Variants in ULK2 observed in about 807,000 individuals in gnomAD.
ULK2 encodes the protein unc-51 like autophagy activating kinase 2, also known as serine/threonine-protein kinase ULK2.
A neutral mutation model predicts 127.5 loss-of-function variants in ULK2; 76 were observed. The observed-to-expected ratio is 0.60, with a 90% confidence interval of 0.50 to 0.72. The LOEUF (loss-of-function observed/expected upper bound fraction) is 0.72, where lower values mean the gene tolerates loss of function less well. Ranked by LOEUF, ULK2 falls within the 30% of genes least tolerant of loss-of-function variation. ULK2 has a pLI of 0.00. For synonymous variants in ULK2, 452 were observed against 461.9 expected (o/e 0.98, Z 0.28); for missense variants, 1,144 against 1,295.9 (o/e 0.88, Z 1.80).
intron 5 of ULK2, 129 bp from the exon 6 acceptor site, chr17:19,847,039 ATTTT>A (rs1287225080): frequency 1.2e-6 from 1 of 855,692 alleles, no homozygotes; most frequent in African/African-American, 1.8e-5. Flanking sequence ...ACATTTATTT[ATTTT>A]TTTAACTTTA....
intron 8 of ULK2, 124 bp downstream of exon 8, chr17:19,842,997 A>C (rs2041800911): frequency 1.2e-6 from 1 of 828,682 alleles, no homozygotes; most frequent in African/African-American, 1.7e-5. Flanking sequence ...CTATAACAGA[A>C]TCAAAGTAAC....
chr17:19,864,675 T>C, intron 3 of ULK2, 128 bp downstream of exon 3: 3 of 338,450 alleles, frequency 8.9e-6, no homozygotes, highest in East Asian at 4.6e-5. Flanking sequence ...TTCAGAAACA[T>C]GTAACTCAAG....
chr17:19,840,102 G>T (rs1263702257), intron 9 of ULK2: 3 of 362,016 alleles, frequency 8.3e-6, no homozygotes, highest in Non-Finnish European at 1.6e-5. Flanking sequence ...AGTGGCAGGT[G>T]CAGTTGAGCT....
In ULK2 at chr17:19,777,495, T is replaced by C. The variant is rs534578670; in HGVS notation, c.3052+86A>G. 11 of 1,420,638 alleles carry C rather than the reference T, an allele frequency of 7.7e-6. No homozygotes were observed. In the South Asian group the frequency reaches 1.7e-4, roughly 22 times the overall value. The allele number at this position is 1,420,638 out of a possible 1,614,324, so 88.0% of individuals were successfully genotyped here. ...AGCCACGATTCAAACCAAGGCAGAA[T>C]TCCAAACTCCAAGCTCTTTGTACTA... On this transcript the variant is annotated intron_variant, in intron 26 of 26. Coordinates refer to ENST00000395544, the MANE Select transcript of ULK2 (RefSeq NM_014683.4).
In ULK2 at chr17:19,774,948, T is replaced by C. The variant is rs1260703269; in HGVS notation, c.*1401A>G. The C allele has an allele frequency of 1.3e-5, 2 of 152,630 alleles. No homozygotes were observed. Among genetic ancestry groups the C allele is most frequent in the Non-Finnish European group, 2.9e-5 (2 of 68,038 alleles). 9.5% of individuals were successfully genotyped at this position (152,630 alleles called of 1,614,324 possible). On this transcript the variant is annotated 3_prime_UTR_variant, in exon 27 of 27. Transcript: ENST00000395544. ...GTTCAAATTAACTACTGGAATTTCA[T>C]ACAGATAAATAAGGTAAAAATTACA...
At position 19,804,791 on chromosome 17, in the gene ULK2, T is replaced by C. The variant is rs1421411443; in HGVS notation, c.1197A>G (p.Ala399=). 1.9e-6 allele frequency: 3 copies of C among 1,612,964 alleles called. No individual in the cohort carries two copies. The South Asian group carries it at 3.3e-5, about 18-fold the overall frequency. The part of the protein sequence containing the change: ...QPTVSPHSET[A]PIPVPTQIRN... ...TTATTTGAGTAGGAACTGGAATTGG[T>C]GCTGTTTCGCTGTGAGGTGACACAG... The change falls in exon 15 of 27, where the codon GCA becomes GCG. Residue 399 remains alanine (A), a synonymous_variant. Coordinates refer to ENST00000395544, the MANE Select transcript of ULK2 (RefSeq NM_014683.4).
intron 21 of ULK2, among the ~76,000 whole-genome samples, chr17:19,785,235 CAG>C (rs569925686): frequency 4.6e-4 from 70 of 152,104 alleles, no homozygotes; most frequent in African/African-American, 1.5e-3. Flanking sequence ...TTTTCTGAAA[CAG>C]AGTTTCGCTC....
At chr17:19,835,174 T>C (rs1274716654) in intron 10 of ULK2, among the ~76,000 whole-genome samples, 1 of 150,250 alleles carries the variant, frequency 6.7e-6, no homozygotes, top group East Asian at 2.0e-4. Context: ...GGAGATGGAG[T>C]CTCGCTCTGT....
intron 1 of ULK2, 137 bp downstream of exon 1, chr17:19,867,191 G>T: frequency 1.6e-6 from 1 of 631,830 alleles, no homozygotes; most frequent in Non-Finnish European, 2.5e-6. Flanking sequence ...CAAACGGCGA[G>T]ACGGGCTGCG....
chr17:19,821,818 T>A lies in ULK2; in HGVS notation c.924+3276A>T, dbSNP rs146745882. On this transcript the variant is annotated intron_variant, in intron 12 of 26. Transcript: ENST00000395544. ...GCAGTGGAGCAATCATAGCTCACTG[T>A]AACCTCGAAGTCAGGGGCTCAAGCA... Among the ~76,000 whole-genome samples, 512 of 152,240 alleles carry A rather than the reference T, an allele frequency of 3.4e-3. 4 individuals carry two copies. Among genetic ancestry groups the A allele is most frequent in the South Asian group, 0.014 (68 of 4,830 alleles).
chr17:19,783,703 C>A lies in ULK2; in HGVS notation c.2454G>T (p.Leu818=). 6.5e-7 allele frequency: 1 copy of A among 1,527,622 alleles called. No homozygotes were observed. 94.6% of individuals were successfully genotyped at this position (1,527,622 alleles called of 1,614,324 possible). A position where few individuals can be genotyped will look rare whatever the true frequency, so the allele number is the denominator to read the frequency against. The stretch of plus-strand genomic sequence containing the variant: ...ACTATAGTCTCTTTTCTACCTCCAT[C>A]AGCGTCTCCTCCGGCAGTTCAGGGG... ...FEAPELPEET[L]MEREHTDTLR... is the part of the protein sequence containing the mutation. The change falls in exon 22 of 27, where the codon CTG becomes CTT. Residue 818 remains leucine, a synonymous_variant. Coordinates refer to ENST00000395544, the MANE Select transcript of ULK2 (RefSeq NM_014683.4).
chr17:19,847,124 C>T (rs281349), intron 5 of ULK2, among the ~76,000 whole-genome samples: 16,002 of 152,126 alleles, frequency 0.11, 1,557 homozygotes, highest in East Asian at 0.39. Context: ...AGAGAACTGA[C>T]TGGCACTTTC....
intron 7 of ULK2, among the ~76,000 whole-genome samples, chr17:19,843,660 C>CTTT (rs1186486092): frequency 5.2e-5 from 7 of 135,276 alleles, no homozygotes; most frequent in African/African-American, 1.6e-4. Context: ...AATATTTTTT[C>CTTT]TTTTTTTTTT....
At chr17:19,860,850 A>G (rs2042226587) in intron 3 of ULK2, 1 of 152,008 alleles carries the variant, frequency 6.6e-6, no homozygotes, top group Non-Finnish European at 1.5e-5. Context: ...TGTTTTTATA[A>G]ATTAGTTAAA....
chr17:19,794,280 G>C (rs1053578556), intron 20 of ULK2, among the ~76,000 whole-genome samples: 6 of 152,148 alleles, frequency 3.9e-5, no homozygotes, highest in African/African-American at 1.4e-4. Context: ...AGACTTTTAA[G>C]AACAATGAGC....
intron 10 of ULK2, among the ~76,000 whole-genome samples, chr17:19,831,861 C>T (rs1044219639): frequency 6.6e-6 from 1 of 151,624 alleles, no homozygotes; most frequent in Non-Finnish European, 1.5e-5. Context: ...CATGGTGGCT[C>T]ACACTTGTAA....
chr17:19,777,757 C>T (rs2086839357), intron 25 of ULK2, 41 bp from the exon 26 acceptor site: 3 of 1,571,316 alleles, frequency 1.9e-6, no homozygotes, highest in East Asian at 4.5e-5. Flanking sequence ...TCAATTTTTC[C>T]AAGAAAATAC....
At chr17:19,838,829 C>T (rs2041663236) in intron 9 of ULK2, among the ~76,000 whole-genome samples, 1 of 151,602 alleles carries the variant, frequency 6.6e-6, no homozygotes, top group African/African-American at 2.4e-5. Flanking sequence ...AGATCGAGAC[C>T]ATCCTGACTA....
At chr17:19,830,232 G>T (rs191413015) in intron 10 of ULK2, among the ~76,000 whole-genome samples, 1 of 151,416 alleles carries the variant, frequency 6.6e-6, no homozygotes, top group African/African-American at 2.4e-5. Flanking sequence ...ACAATGTTGC[G>T]CTCTGTTTTT....
Sources: gnomAD v4.1 joint callset for allele counts (sites outside exome capture counted in the v4.1 genomes callset) on GRCh38, gnomAD v4.1.1 for gene constraint, MANE v1.5 for transcripts, NCBI Gene and HGNC (gene_info 2026-07-23, HGNC 2026-07-21) for gene names.